Variants in WNK1 observed in about 807,000 individuals in gnomAD.
WNK1 encodes WNK lysine deficient protein kinase 1, also known as serine/threonine-protein kinase WNK1.
In WNK1, 38 loss-of-function variants were observed where a neutral mutation model predicts 222.8. The observed-to-expected ratio is 0.17, with a 90% confidence interval of 0.13 to 0.22. The LOEUF is 0.22. Ranked by LOEUF, WNK1 falls within the 10% of genes least tolerant of loss-of-function variation. WNK1 has a pLI of 1.00. For missense variants in WNK1, 2,348 were observed against 2,918.4 expected (o/e 0.80, Z 4.50); for synonymous variants, 1,090 against 1,092.9 (o/e 1.00, Z 0.05).
At chr12:906,775 C>G (rs1158549770) in intron 26 of WNK1, 1 of 984,290 alleles carries the variant, frequency 1.0e-6, no homozygotes, top group Non-Finnish European at 1.2e-6. Context: ...CATGGTGGCT[C>G]ACACCTGTAA....
Position 853,748 on chromosome 12 carries a change from G to A in WNK1, c.1312-3413G>A, listed in dbSNP as rs560976027. Reference sequence around the variant, plus strand: ...TTCCCTTGAAATGTATGTGCTTATGGAAGAAGGAACTTTTTTTTTTGAGAC... The same window carrying A: ...TTCCCTTGAAATGTATGTGCTTATGAAAGAAGGAACTTTTTTTTTTGAGAC... On this transcript the variant is annotated intron_variant, in intron 4 of 27. Transcript: ENST00000315939. Among the ~76,000 whole-genome samples the A allele has an allele frequency of 6.6e-5, 10 of 152,258 alleles. No homozygotes were observed. In the East Asian group the frequency reaches 1.9e-3, roughly 29 times the overall value.
intron 4 of WNK1, among the ~76,000 whole-genome samples, chr12:844,126 C>CTTTAT (rs1453903288): frequency 6.6e-6 from 1 of 151,524 alleles, no homozygotes; most frequent in African/African-American, 2.4e-5. Context: ...TAAAAATTTT[C>CTTTAT]TTTATTTTAT....
chr12:868,942 A>C, intron 8 of WNK1: 1 of 1,589,068 alleles, frequency 6.3e-7, no homozygotes, highest in Non-Finnish European at 8.6e-7. Flanking sequence ...CTACAGGGGG[A>C]GCAGCTGCAC....
intron 1 of WNK1, among the ~76,000 whole-genome samples, chr12:769,388 A>G (rs1395394932): frequency 6.6e-6 from 1 of 150,638 alleles, no homozygotes; most frequent in Admixed American, 6.6e-5. Context: ...TAGTAGAGAC[A>G]GGTTTTGCCA....
At position 880,814 on chromosome 12, in the gene WNK1, C is replaced by T. The variant is rs761135188; in HGVS notation, c.2926C>T (p.Leu976=). The T allele has an allele frequency of 9.9e-6, 16 of 1,613,956 alleles. No individual in the cohort carries two copies. Among genetic ancestry groups the T allele is most frequent in the Non-Finnish European group, 8.5e-7 (1 of 1,180,024 alleles). The change falls in exon 12 of 28, where the codon CTA becomes TTA. Residue 976 remains leucine (L), a synonymous_variant. Coordinates refer to ENST00000315939, the MANE Select transcript of WNK1 (RefSeq NM_018979.4). The part of the protein sequence containing the change: ...VASVCIHSTV[L]SPPMPTEVLA... The stretch of plus-strand genomic sequence containing the variant: ...TTCTGTTTGCATCCATTCTACAGTC[C>T]TATCCCCTCCCATGCCGACAGAAGT...
chr12:904,367 G>C (rs1208101631), intron 26 of WNK1: 15 of 1,078,476 alleles, frequency 1.4e-5, no homozygotes, highest in Non-Finnish European at 1.9e-5. Flanking sequence ...CTCTTGCTGG[G>C]CGTTTGTGTG....
rs563129357 is a variant in WNK1, at chr12:845,409, AT to A, written c.1312-11750del. ...GATTTCTGGTTTTCATCCCAGGTCTATTGTGTATACCCTGGCTATTAGTAAC... is the reference window on the plus strand; with the variant it reads ...GATTTCTGGTTTTCATCCCAGGTCTATGTGTATACCCTGGCTATTAGTAAC... On this transcript the variant is annotated intron_variant, in intron 4 of 27. Coordinates refer to ENST00000315939, the MANE Select transcript of WNK1 (RefSeq NM_018979.4). 4.7e-4 allele frequency among the ~76,000 whole-genome samples: 72 copies of A among 152,276 alleles called. 1 individual carries two copies. The highest frequency in any genetic ancestry group is 3.4e-3 in the Middle Eastern group (1 of 294).
intron 8 of WNK1, among the ~76,000 whole-genome samples, chr12:870,542 A>G (rs1952054457): frequency 6.6e-6 from 1 of 152,182 alleles, no homozygotes; most frequent in South Asian, 2.1e-4. Context: ...CTCACTTTCT[A>G]GTGAGAAACA....
chr12:867,830 A>T (rs987631944), intron 8 of WNK1: 27 of 1,610,928 alleles, frequency 1.7e-5, no homozygotes, highest in Non-Finnish European at 2.2e-5. Context: ...TCACATATGA[A>T]TGTATGAATT....
Position 836,661 on chromosome 12 carries a change from A to G in WNK1, c.1311+6501A>G, listed in dbSNP as rs780785630. ...TCAATAAAAAAGTAAATAGATGGCA[A>G]ATTATTCTGTGTAGAGATGAATATC... is the stretch of plus-strand genomic sequence containing the variant. On this transcript the variant is annotated intron_variant, in intron 4 of 27. Transcript: ENST00000315939. 5.9e-5 allele frequency among the ~76,000 whole-genome samples: 9 copies of G among 152,230 alleles called. No individual in the cohort carries two copies. In the South Asian group the frequency reaches 8.3e-4, roughly 14 times the overall value.
At chr12:836,508 A>C (rs549730917) in intron 4 of WNK1, among the ~76,000 whole-genome samples, 6 of 152,366 alleles carry the variant, frequency 3.9e-5, no homozygotes, top group Non-Finnish European at 8.8e-5. Context: ...CTGCTACAAA[A>C]GATTGGGAGG....
At chr12:822,087 CT>C (rs376271992) in intron 2 of WNK1, among the ~76,000 whole-genome samples, 297 of 71,436 alleles carry the variant, frequency 4.2e-3, no homozygotes, top group Middle Eastern at 0.015. Context: ...TGTCTTATAC[CT>C]TTTTTTTTTT....
At chr12:762,027 AG>A (rs1047866220) in intron 1 of WNK1, among the ~76,000 whole-genome samples, 1 of 144,322 alleles carries the variant, frequency 6.9e-6, no homozygotes, top group African/African-American at 2.5e-5. Flanking sequence ...AACCTACAGT[AG>A]TACATCCTCC....
chr12:873,470 G>A (rs1352991072), intron 9 of WNK1, among the ~76,000 whole-genome samples: 2 of 152,112 alleles, frequency 1.3e-5, no homozygotes, highest in Admixed American at 6.5e-5. Context: ...TATAGCATGT[G>A]TTGTAGAATC....
At position 763,244 on chromosome 12, in the gene WNK1, A is replaced by C. The variant is rs553023232; in HGVS notation, c.759+8920A>C. Among the ~76,000 whole-genome samples, 12 of 147,612 alleles carry C rather than the reference A, an allele frequency of 8.1e-5. 2 individuals carry two copies. Among genetic ancestry groups the C allele is most frequent in the Admixed American group, 4.7e-4 (7 of 14,874 alleles). On this transcript the variant is annotated intron_variant, in intron 1 of 27. Transcript: ENST00000315939. Reference sequence around the variant, plus strand: ...GCTGAACAAAGGGATGACATGTCCCATTCGAGATTTCATCACACTAGTCAG... The same window carrying C: ...GCTGAACAAAGGGATGACATGTCCCCTTCGAGATTTCATCACACTAGTCAG...
intron 2 of WNK1, 132 bp downstream of exon 2, chr12:813,946 T>C: frequency 1.1e-6 from 1 of 927,664 alleles, no homozygotes; most frequent in South Asian, 1.4e-5. Context: ...GTTACTGTAT[T>C]AGCATATTTC....
intron 22 of WNK1, among the ~76,000 whole-genome samples, chr12:893,571 C>T (rs1446678091): frequency 1.3e-5 from 2 of 152,142 alleles, no homozygotes; most frequent in African/African-American, 2.4e-5. Flanking sequence ...CGCCTGTAAT[C>T]CCAGCACTTT....
At chr12:805,780 T>C (rs1434782815) in intron 1 of WNK1, among the ~76,000 whole-genome samples, 1 of 152,198 alleles carries the variant, frequency 6.6e-6, no homozygotes, top group African/African-American at 2.4e-5. Flanking sequence ...ATTTAGGTTA[T>C]CATTTGGTTG....
In WNK1 at chr12:754,150, G is replaced by A; in HGVS notation, c.585G>A (p.Glu195=). ...SGGGSAKEPQ[E]ERSQQQDDIE... Reference sequence around the variant, plus strand: ...GCGGCAGCGCCAAGGAGCCACAGGAGGAACGGAGCCAGCAGCAGGATGATA... The same window carrying A: ...GCGGCAGCGCCAAGGAGCCACAGGAAGAACGGAGCCAGCAGCAGGATGATA... Residue 195 remains glutamate (E), a synonymous_variant, in exon 1 of 28, where the codon GAG becomes GAA. Transcript: ENST00000315939. 6.2e-7 allele frequency: 1 copy of A among 1,613,014 alleles called. No individual in the cohort carries two copies. The highest frequency in any genetic ancestry group is 8.5e-7 in the Non-Finnish European group (1 of 1,180,044).
Sources: gnomAD v4.1 joint callset for allele counts (sites outside exome capture counted in the v4.1 genomes callset) on GRCh38, gnomAD v4.1.1 for gene constraint, MANE v1.5 for transcripts, NCBI Gene and HGNC (gene_info 2026-07-23, HGNC 2026-07-21) for gene names.